The following ZZEF1 variants were observed in gnomAD, a reference collection of about 807,000 sequenced individuals.
ZZEF1 encodes zinc finger ZZ-type and EF-hand domain-containing protein 1.
Under a neutral mutation model 342.8 loss-of-function variants are expected in ZZEF1, and 157 were observed. The ratio of observed to expected loss-of-function variants is 0.46; its 90% CI spans 0.40 to 0.52. The LOEUF (loss-of-function observed/expected upper bound fraction) is 0.52, where lower values mean the gene tolerates loss of function less well. Ranked by LOEUF, ZZEF1 falls within the 20% of genes least tolerant of loss-of-function variation. The pLI is 0.00. For missense variants in ZZEF1, 3,480 were observed against 3,725.6 expected, an observed-to-expected ratio of 0.93 and a Z score of 1.72; for synonymous variants, 1,505 against 1,429.1, an observed-to-expected ratio of 1.05 and a Z score of -1.20.
chr17:4,046,581 A>C (rs559426476), intron 37 of ZZEF1, among the ~76,000 whole-genome samples: 155 of 152,268 alleles, frequency 1.0e-3, no homozygotes, highest in Non-Finnish European at 1.8e-3. Flanking sequence ...TGTAACCTCA[A>C]TATCAATCCT....
intron 9 of ZZEF1, among the ~76,000 whole-genome samples, chr17:4,100,928 A>C (rs1247231324): frequency 1.3e-5 from 2 of 152,204 alleles, no homozygotes; most frequent in Non-Finnish European, 2.9e-5. Context: ...GGAAAAATGC[A>C]GAGGGCCTTT....
rs1338195753 is a variant in ZZEF1 at position 4,142,973 on chromosome 17, A to G, written c.-78T>C. ...CCTCGACCTGTCAACCTCCGACAGC[A>G]GCTGGCGGGCGGGGACGCGGAGGAG... On this transcript the variant is annotated 5_prime_UTR_variant, in exon 1 of 55. Transcript: ENST00000381638. 2 of 1,272,806 alleles carry G rather than the reference A, an allele frequency of 1.6e-6. No homozygotes were observed. Among genetic ancestry groups the G allele is most frequent in the African/African-American group, 3.1e-5 (2 of 64,598 alleles). 78.8% of individuals were successfully genotyped at this position (1,272,806 alleles called of 1,614,324 possible). A position where few individuals can be genotyped will look rare whatever the true frequency, so the allele number is the denominator to read the frequency against.
chr17:4,054,115 C>A lies in ZZEF1; in HGVS notation c.5376G>T (p.Trp1792Cys). ...TGCACTGCAGACAGCGGTATCGATGCCAGGGGGCAATCTCATCACACCCAT... is the reference window on the plus strand; with the variant it reads ...TGCACTGCAGACAGCGGTATCGATGACAGGGGGCAATCTCATCACACCCAT... ...SCDGCDEIAP[W>C]HRYRCLQCSD... The change falls in exon 34 of 55, where the codon TGG (tryptophan) becomes TGT (cysteine). Residue 1792 changes from tryptophan to cysteine, a missense_variant. By Grantham distance (215) the Trp-to-Cys change is radical. Coordinates refer to ENST00000381638, the MANE Select transcript of ZZEF1 (RefSeq NM_015113.4). The A allele has an allele frequency of 6.2e-7, 1 of 1,613,802 alleles. No individual in the cohort carries two copies. Among genetic ancestry groups the A allele is most frequent in the South Asian group, 1.1e-5 (1 of 90,922 alleles).
rs2057528146 is a variant in ZZEF1 at position 4,072,464 on chromosome 17, T to C, written c.3834+144A>G. ...TGTGGGACACGGTGGCGTTAACAAG[T>C]TAACAAGGTATAGTTTCTGGCCTCA... On this transcript the variant is annotated intron_variant, in intron 25 of 54. Transcript: ENST00000381638. The C allele has an allele frequency of 2.9e-6, 3 of 1,032,700 alleles. No homozygotes were observed. In the East Asian group the frequency reaches 8.5e-5, roughly 29 times the overall value. 64.0% of individuals were successfully genotyped at this position (1,032,700 alleles called of 1,614,324 possible). A position where few individuals can be genotyped will look rare whatever the true frequency, so the allele number is the denominator to read the frequency against.
At chr17:4,058,362 T>A (rs1454165568) in intron 31 of ZZEF1, among the ~76,000 whole-genome samples, 4 of 152,198 alleles carry the variant, frequency 2.6e-5, no homozygotes, top group Non-Finnish European at 2.9e-5. Context: ...AAAGTAAGGT[T>A]TCCACCCTGC....
chr17:4,087,583 G>C (rs1466710981), intron 13 of ZZEF1, 49 bp from the exon 14 acceptor site: 8 of 1,485,084 alleles, frequency 5.4e-6, no homozygotes, highest in Non-Finnish European at 7.4e-6. Flanking sequence ...AATGCATTTA[G>C]AGAAATACTG....
At chr17:4,093,697 G>A (rs534767783) in intron 11 of ZZEF1, among the ~76,000 whole-genome samples, 2 of 152,280 alleles carry the variant, frequency 1.3e-5, no homozygotes, top group East Asian at 3.9e-4. Context: ...TAAAGCTCAA[G>A]GAGTACTGCA....
chr17:4,068,766 T>C (rs2057453167), intron 26 of ZZEF1, among the ~76,000 whole-genome samples: 1 of 152,170 alleles, frequency 6.6e-6, no homozygotes, highest in African/African-American at 2.4e-5. Context: ...GGGAATATTA[T>C]GCTGAGAAAA....
intron 26 of ZZEF1, among the ~76,000 whole-genome samples, chr17:4,069,184 G>A (rs1163419353): frequency 6.6e-6 from 1 of 152,166 alleles, no homozygotes; most frequent in Non-Finnish European, 1.5e-5. Context: ...CCATTTCTCA[G>A]CTTTTAACCC....
intron 32 of ZZEF1, among the ~76,000 whole-genome samples, chr17:4,057,145 G>A (rs1057126177): frequency 2.6e-5 from 4 of 152,202 alleles, no homozygotes; most frequent in Middle Eastern, 3.2e-3. Flanking sequence ...TAAAGGGCGC[G>A]CTTCCTTCCC....
chr17:4,117,935 A>G (rs1384502829), intron 2 of ZZEF1, among the ~76,000 whole-genome samples: 5 of 152,284 alleles, frequency 3.3e-5, no homozygotes, highest in African/African-American at 1.2e-4. Flanking sequence ...TACAACCAAT[A>G]AGGTGCTTCC....
At chr17:4,055,741 G>A (rs746056545) in intron 33 of ZZEF1, among the ~76,000 whole-genome samples, 18 of 152,206 alleles carry the variant, frequency 1.2e-4, no homozygotes, top group Admixed American at 2.0e-4. Flanking sequence ...CACTCTGAGT[G>A]TAGTCAAATC....
In ZZEF1 at chr17:4,009,714, A is replaced by C. The variant is rs1352206751; in HGVS notation, c.8623T>G (p.Phe2875Val). The change falls in exon 53 of 55, where the codon TTT becomes GTT. Residue 2875 changes from phenylalanine (F) to valine (V), a missense_variant. Phe to Val is a conservative substitution (Grantham distance 50). This residue lies in a region of ZZEF1 where 1,269 missense variants were observed against 1,342.4 expected (regional missense o/e 0.95). Transcript: ENST00000381638. Reference protein sequence around the residue: ...LALLKPLWQLFTHMEYGLFED... With the variant: ...LALLKPLWQLVTHMEYGLFED... ...AACAGGCCGTACTCCATGTGGGTAA[A>C]GAGCTGCCACAGGGGCTTCAACAGC... 1 of 1,614,136 alleles carries C rather than the reference A, an allele frequency of 6.2e-7. No individual in the cohort carries two copies. Among genetic ancestry groups the C allele is most frequent in the Admixed American group, 1.7e-5 (1 of 60,026 alleles).
At chr17:4,074,974 T>C (rs10521127) in intron 23 of ZZEF1, 123 bp downstream of exon 23, 192,216 of 1,032,088 alleles carry the variant, frequency 0.19, 18,237 homozygotes, top group East Asian at 0.22. Context: ...AAATCCTTCC[T>C]TTCACAAACG....
intron 9 of ZZEF1, among the ~76,000 whole-genome samples, chr17:4,097,536 G>A (rs1052316976): frequency 2.0e-5 from 3 of 150,250 alleles, no homozygotes; most frequent in Admixed American, 6.6e-5. Context: ...ATACCCTTTC[G>A]GTCGTCTCTG....
chr17:4,070,192 G>GTTAATACCTAA (rs2057481399), intron 26 of ZZEF1, among the ~76,000 whole-genome samples: 1 of 152,236 alleles, frequency 6.6e-6, no homozygotes, highest in African/African-American at 2.4e-5. Context: ...AAAGGTAATA[G>GTTAATACCTAA]TTAATACCTA....
intron 34 of ZZEF1, 140 bp from the exon 35 acceptor site, chr17:4,052,276 A>T (rs1284636000): frequency 1.3e-6 from 1 of 780,624 alleles, no homozygotes; most frequent in East Asian, 2.8e-5. Flanking sequence ...CGTTCTCTGG[A>T]GACAGGGTGC....
intron 52 of ZZEF1, among the ~76,000 whole-genome samples, chr17:4,011,272 G>A (rs1046607706): frequency 4.6e-5 from 7 of 152,090 alleles, no homozygotes; most frequent in East Asian, 1.9e-4. Context: ...GTGTGGTGGC[G>A]TACACCTGTA....
chr17:4,069,948 C>G (rs1051360620), intron 26 of ZZEF1, among the ~76,000 whole-genome samples: 1 of 152,226 alleles, frequency 6.6e-6, no homozygotes, highest in East Asian at 1.9e-4. Context: ...CCCTGCCAGG[C>G]GGTTAGGAAG....
Sources: allele counts gnomAD v4.1 joint callset (sites outside exome capture counted in the v4.1 genomes callset), GRCh38; gene constraint gnomAD v4.1.1; regional missense constraint gnomAD v4.1.1; transcripts MANE v1.5; gene names NCBI Gene and HGNC (gene_info 2026-07-23, HGNC 2026-07-21).